MGAT4C: variants seen among roughly 807,000 people sequenced by gnomAD.
MGAT4C encodes the protein alpha-1,3-mannosyl-glycoprotein 4-beta-N-acetylglucosaminyltransferase C.
In MGAT4C, 19 loss-of-function variants were observed where a neutral mutation model predicts 40.1. The ratio of observed to expected loss-of-function variants is 0.47; its 90% CI spans 0.33 to 0.70. MGAT4C has a LOEUF of 0.70. MGAT4C is among the 30% of genes least tolerant of loss of function. MGAT4C has a pLI of 0.02. For missense variants in MGAT4C, 491 were observed against 563.2 expected (o/e 0.87, Z 1.30); for synonymous variants, 181 against 187.1 (o/e 0.97, Z 0.27).
intron 3 of MGAT4C, among the ~76,000 whole-genome samples, chr12:86,377,698 A>G (rs1333704427): frequency 6.6e-6 from 1 of 152,230 alleles, no homozygotes; most frequent in African/African-American, 2.4e-5. Context: ...GTTGTACAAT[A>G]TAAAAACATA....
intron 2 of MGAT4C, among the ~76,000 whole-genome samples, chr12:86,553,974 A>T (rs1959486509): frequency 6.6e-6 from 1 of 152,094 alleles, no homozygotes; most frequent in African/African-American, 2.4e-5. Context: ...CTTCCATTTC[A>T]TCATAGAAAT....
At chr12:86,603,445 G>T (rs1961872226) in intron 2 of MGAT4C, among the ~76,000 whole-genome samples, 1 of 114,840 alleles carries the variant, frequency 8.7e-6, no homozygotes, top group Non-Finnish European at 1.6e-5. Flanking sequence ...ACTATATATA[G>T]TCTATAGACT....
intron 1 of MGAT4C, among the ~76,000 whole-genome samples, chr12:86,827,294 C>T (rs1178861294): frequency 6.6e-6 from 1 of 151,310 alleles, no homozygotes; most frequent in African/African-American, 2.4e-5. Flanking sequence ...GCTCCTGGTG[C>T]AAAAATGTAC....
At chr12:86,633,542 A>G (rs1449237956) in intron 2 of MGAT4C, among the ~76,000 whole-genome samples, 1 of 152,112 alleles carries the variant, frequency 6.6e-6, no homozygotes, top group Admixed American at 6.6e-5. Context: ...TAATCTGACT[A>G]TACCTATTAG....
chr12:86,698,552 C>T (rs1487066195), intron 2 of MGAT4C, among the ~76,000 whole-genome samples: 5 of 151,988 alleles, frequency 3.3e-5, no homozygotes, highest in Non-Finnish European at 7.4e-5. Flanking sequence ...TATGAAATTA[C>T]AATTAGTACA....
rs1872031704 is a variant in MGAT4C at position 86,087,219 on chromosome 12, A to G, written c.-56-37496T>C. ...GGGATTCCTGGGTAGTTCTATCTCCAGTGTTTTTGAAGAACCTCAATACTG... is the reference window on the plus strand; with the variant it reads ...GGGATTCCTGGGTAGTTCTATCTCCGGTGTTTTTGAAGAACCTCAATACTG... On this transcript the variant is annotated intron_variant, in intron 1 of 4. Transcript: ENST00000611864. Among the ~76,000 whole-genome samples the G allele has an allele frequency of 2.0e-5, 3 of 151,988 alleles. No homozygotes were observed. In the South Asian group the frequency reaches 6.2e-4, roughly 31 times the overall value.
intron 3 of MGAT4C, among the ~76,000 whole-genome samples, chr12:86,351,730 G>T (rs1207709368): frequency 1.3e-5 from 2 of 151,878 alleles, no homozygotes; most frequent in Non-Finnish European, 2.9e-5. Context: ...TATCTGACTG[G>T]GGAAATGGTA....
intron 2 of MGAT4C, among the ~76,000 whole-genome samples, chr12:86,000,973 A>T (rs9804820): frequency 6.6e-6 from 1 of 152,002 alleles, no homozygotes; most frequent in Non-Finnish European, 1.5e-5. Flanking sequence ...AGTTTGGATT[A>T]TTCCTGCGTT....
intron 1 of MGAT4C, among the ~76,000 whole-genome samples, chr12:86,107,366 G>C (rs1375249003): frequency 2.6e-5 from 4 of 152,114 alleles, no homozygotes; most frequent in Non-Finnish European, 5.9e-5. Flanking sequence ...ATGTGTGTGT[G>C]TGTGTGTTTA....
chr12:86,302,434 T>C lies in MGAT4C; in HGVS notation c.-57+31631A>G, dbSNP rs1035759322. Among the ~76,000 whole-genome samples the C allele has an allele frequency of 1.1e-4, 16 of 150,386 alleles. 2 individuals are homozygous for C. The highest frequency in any genetic ancestry group is 4.0e-4 in the African/African-American group (16 of 39,840). Reference sequence around the variant, plus strand: ...GTTGGTTGGTTGGTTGGGTTTGGTTTGGTTTGGTTTTCGAGACGGAGTCTC... The same window carrying C: ...GTTGGTTGGTTGGTTGGGTTTGGTTCGGTTTGGTTTTCGAGACGGAGTCTC... On this transcript the variant is annotated intron_variant, in intron 4 of 7. Transcript: ENST00000548651.
At chr12:86,700,804 C>A (rs1361990593) in intron 2 of MGAT4C, among the ~76,000 whole-genome samples, 2 of 152,000 alleles carry the variant, frequency 1.3e-5, no homozygotes, top group Non-Finnish European at 2.9e-5. Flanking sequence ...GTACATAATA[C>A]TTCATGTGAT....
chr12:86,098,995 A>G (rs1166637606), intron 1 of MGAT4C, among the ~76,000 whole-genome samples: 1 of 151,554 alleles, frequency 6.6e-6, no homozygotes, highest in African/African-American at 2.4e-5. Context: ...TAGTTAGAAG[A>G]GAATAGTTAG....
intron 2 of MGAT4C, among the ~76,000 whole-genome samples, chr12:86,688,157 CTTTTTTTTT>C (rs55637680): frequency 1.5e-5 from 1 of 65,188 alleles, no homozygotes; most frequent in Admixed American, 2.4e-4. Flanking sequence ...GCAACCCCTG[CTTTTTTTTT>C]TTTTTTTTTT....
At chr12:86,713,413 A>C (rs1950593460) in intron 2 of MGAT4C, among the ~76,000 whole-genome samples, 1 of 152,096 alleles carries the variant, frequency 6.6e-6, no homozygotes. Context: ...TTATTCTGAA[A>C]ATATTCATTC....
rs138457843 is a variant in MGAT4C, at chr12:86,609,064, C to T, written c.-229+118145G>A. On this transcript the variant is annotated intron_variant, in intron 2 of 7. Transcript: ENST00000548651. Reference sequence around the variant, plus strand: ...GCATGCCAAAGAAATTGTAGGCATGCTAAAAATGCATTATTAGGGTACACA... The same window carrying T: ...GCATGCCAAAGAAATTGTAGGCATGTTAAAAATGCATTATTAGGGTACACA... Among the ~76,000 whole-genome samples, 459 of 151,886 alleles carry T rather than the reference C, an allele frequency of 3.0e-3. 2 individuals carry two copies. Among genetic ancestry groups the T allele is most frequent in the African/African-American group, 0.011 (438 of 41,408 alleles).
chr12:85,976,968 G>C lies in MGAT4C; in HGVS notation c.*2321C>G, dbSNP rs182596158. The C allele has an allele frequency of 3.3e-5, 5 of 151,278 alleles. No individual in the cohort carries two copies. In the East Asian group the frequency reaches 9.6e-4, roughly 29 times the overall value. 9.4% of individuals were successfully genotyped at this position (151,278 alleles called of 1,614,324 possible). A position where few individuals can be genotyped will look rare whatever the true frequency, so the allele number is the denominator to read the frequency against. ...GTGTTTTCCTTAGAAAATTGACCCAGTGTCAACTGTAAAGAAAACATAGAG... is the reference window on the plus strand; with the variant it reads ...GTGTTTTCCTTAGAAAATTGACCCACTGTCAACTGTAAAGAAAACATAGAG... On this transcript the variant is annotated 3_prime_UTR_variant, in exon 5 of 5. Transcript: ENST00000611864.
intron 3 of MGAT4C, among the ~76,000 whole-genome samples, chr12:86,362,231 G>T (rs571948879): frequency 6.6e-6 from 1 of 152,070 alleles, no homozygotes; most frequent in Non-Finnish European, 1.5e-5. Flanking sequence ...GCAAACTATC[G>T]CAAGGACGGA....
At chr12:86,060,052 T>G (rs1043708625) in intron 1 of MGAT4C, among the ~76,000 whole-genome samples, 1 of 152,152 alleles carries the variant, frequency 6.6e-6, no homozygotes, top group African/African-American at 2.4e-5. Context: ...GGCTATCTAC[T>G]AGGAATAATT....
chr12:86,365,587 A>AT (rs1333367979), intron 3 of MGAT4C, among the ~76,000 whole-genome samples: 7 of 152,158 alleles, frequency 4.6e-5, no homozygotes, highest in Non-Finnish European at 1.0e-4. Context: ...GAACTAATAA[A>AT]TGTCCATGAA....
Sources: gnomAD v4.1 joint callset for allele counts (sites outside exome capture counted in the v4.1 genomes callset) on GRCh38, gnomAD v4.1.1 for gene constraint, MANE v1.5 for transcripts, NCBI Gene and HGNC (gene_info 2026-07-23, HGNC 2026-07-21) for gene names.